Variants in ZC3H14 observed in about 807,000 individuals in gnomAD.
ZC3H14 encodes zinc finger CCCH domain-containing protein 14.
ZC3H14 carries 31 observed loss-of-function variants against 92.4 expected under a neutral mutation model. That is an observed-to-expected ratio of 0.34 (90% CI 0.25 to 0.45). The LOEUF (loss-of-function observed/expected upper bound fraction) is 0.45. Among genes scored for constraint, ZC3H14 ranks in the 20% least tolerant of loss-of-function variants. ZC3H14 has a pLI of 1.00. For synonymous variants in ZC3H14, 321 were observed against 300.9 expected, an observed-to-expected ratio of 1.07 and a Z score of -0.69; for missense variants, 781 against 897.3, an observed-to-expected ratio of 0.87 and a Z score of 1.66.
In ZC3H14 at chr14:88,620,811, C is replaced by T; in HGVS notation, c.*9060C>T. 1 of 1,608,864 alleles carries T rather than the reference C, an allele frequency of 6.2e-7. No individual in the cohort carries two copies. ...CTTCTTTCCCCATATTTTTAGAGAA[C>T]TCACTAGTAAAATGATAAATTCTCC... is the stretch of plus-strand genomic sequence containing the variant. On this transcript the variant is annotated 3_prime_UTR_variant, in exon 17 of 17. Coordinates refer to ENST00000251038, the MANE Select transcript of ZC3H14 (RefSeq NM_024824.5). This position sits in a 1 kb window ranked among gnomAD's most constrained non-coding sequence, Gnocchi z 4.3.
At chr14:88,563,823 T>A in intron 2 of ZC3H14, 130 bp downstream of exon 2, 2 of 876,396 alleles carry the variant, frequency 2.3e-6, no homozygotes, top group East Asian at 5.0e-5. Flanking sequence ...TCAAATCTTA[T>A]ACTCCCTGGT....
At chr14:88,579,342 C>G (rs1484828001) in intron 9 of ZC3H14, among the ~76,000 whole-genome samples, 3 of 152,022 alleles carry the variant, frequency 2.0e-5, no homozygotes, top group South Asian at 2.1e-4. Context: ...CTGTTTGGTC[C>G]CCAAACAGCA....
At chr14:88,565,080 C>G (rs1010425041) in intron 2 of ZC3H14, among the ~76,000 whole-genome samples, 3 of 152,114 alleles carry the variant, frequency 2.0e-5, no homozygotes, top group Non-Finnish European at 4.4e-5. Context: ...CCATGAATTT[C>G]ACAGCTTCCC....
intron 12 of ZC3H14, among the ~76,000 whole-genome samples, chr14:88,606,201 C>T (rs1382137280): frequency 4.6e-5 from 7 of 152,144 alleles, no homozygotes; most frequent in Admixed American, 1.3e-4. Context: ...ATTACAATTT[C>T]GATGAAGGCA....
Position 88,611,984 on chromosome 14 carries a change from G to A in ZC3H14, c.*233G>A. On this transcript the variant is annotated 3_prime_UTR_variant, in exon 17 of 17. Coordinates refer to ENST00000251038, the MANE Select transcript of ZC3H14 (RefSeq NM_024824.5). ...TTTTACTATGAAAAGACAGCTTAAG[G>A]AAGAGCTAAATTCTGTTAAAATATT... 1.7e-6 allele frequency: 1 copy of A among 581,138 alleles called. No individual in the cohort carries two copies. The highest frequency in any genetic ancestry group is 3.0e-6 in the Non-Finnish European group (1 of 330,692). The allele number at this position is 581,138 out of a possible 1,614,324, so 36.0% of individuals were successfully genotyped here.
In ZC3H14 at chr14:88,625,533, C is replaced by G. The variant is rs1313109230; in HGVS notation, c.*13782C>G. 2 of 155,274 alleles carry G rather than the reference C, an allele frequency of 1.3e-5. No homozygotes were observed. Among genetic ancestry groups the G allele is most frequent in the African/African-American group, 4.8e-5 (2 of 41,492 alleles). The allele number at this position is 155,274 out of a possible 1,614,324, so 9.6% of individuals were successfully genotyped here. On this transcript the variant is annotated 3_prime_UTR_variant, in exon 17 of 17. Transcript: ENST00000251038. ...TCTCCTGTCTCAGCCTCCCAAGTAG[C>G]TGGGATTACAAGCGCCAGCCACCAC...
chr14:88,583,673 TTAGA>T (rs764370097), intron 9 of ZC3H14, among the ~76,000 whole-genome samples: 25 of 152,342 alleles, frequency 1.6e-4, no homozygotes, highest in Non-Finnish European at 3.1e-4. Flanking sequence ...TGCATTGTGG[TTAGA>T]TAATGTAATT....
intron 9 of ZC3H14, among the ~76,000 whole-genome samples, chr14:88,585,199 A>G (rs1266497013): frequency 6.6e-6 from 1 of 152,126 alleles, no homozygotes; most frequent in East Asian, 1.9e-4. Flanking sequence ...GACCAGTCAC[A>G]TTTATTACAA....
chr14:88,620,050 G>A lies in ZC3H14; in HGVS notation c.*8299G>A, dbSNP rs1319010912. On this transcript the variant is annotated 3_prime_UTR_variant, in exon 17 of 17. Coordinates refer to ENST00000251038, the MANE Select transcript of ZC3H14 (RefSeq NM_024824.5). The surrounding 1 kb of genome is among the most constrained non-coding windows in gnomAD (Gnocchi z 4.3). ...ATGGGACAATTCAGTCTCTTGAAAT[G>A]GCCCATGAGTCTTACTGAGGTACGA... 6.6e-6 allele frequency: 1 copy of A among 152,202 alleles called. No homozygotes were observed. Among genetic ancestry groups the A allele is most frequent in the Admixed American group, 6.5e-5 (1 of 15,282 alleles). 9.4% of individuals were successfully genotyped at this position (152,202 alleles called of 1,614,324 possible). A position where few individuals can be genotyped will look rare whatever the true frequency, so the allele number is the denominator to read the frequency against.
chr14:88,582,302 A>G (rs2081998224), intron 9 of ZC3H14, among the ~76,000 whole-genome samples: 1 of 152,218 alleles, frequency 6.6e-6, no homozygotes, highest in Non-Finnish European at 1.5e-5. Context: ...CTCCCAGTCC[A>G]GCAGTCAGTT....
rs745790884 is a variant in ZC3H14, at chr14:88,624,974, T to C, written c.*13223T>C. ...GTGAAAAGAAAGAGGACTCACGGCC[T>C]TTCCTTTCCCCCAGTCACGATAAGT... On this transcript the variant is annotated 3_prime_UTR_variant, in exon 17 of 17. Transcript: ENST00000251038. The C allele has an allele frequency of 3.1e-6, 5 of 1,613,166 alleles. No individual in the cohort carries two copies. Among genetic ancestry groups the C allele is most frequent in the South Asian group, 1.1e-5 (1 of 90,928 alleles).
chr14:88,595,719 C>T (rs1283670769), intron 9 of ZC3H14, among the ~76,000 whole-genome samples: 1 of 152,160 alleles, frequency 6.6e-6, no homozygotes, highest in African/African-American at 2.4e-5. Context: ...TTTAAAAACA[C>T]CTTTTAATGA....
intron 6 of ZC3H14, chr14:88,573,898 T>G (rs1176598597): frequency 2.6e-5 from 4 of 152,376 alleles, no homozygotes; most frequent in African/African-American, 7.2e-5. Context: ...ATTACAGGCA[T>G]GTACCATGGC....
chr14:88,607,127 ATG>A (rs2085534073), intron 12 of ZC3H14, 114 bp from the exon 13 acceptor site: 7 of 1,496,758 alleles, frequency 4.7e-6, no homozygotes, highest in Non-Finnish European at 6.4e-6. Flanking sequence ...CTTATTTTAT[ATG>A]ACTGTACATT....
chr14:88,609,004 G>A, intron 13 of ZC3H14: 1 of 472,092 alleles, frequency 2.1e-6, no homozygotes, highest in East Asian at 4.1e-5. Context: ...TTATTAAGTG[G>A]TGTGATTTTT....
At position 88,627,527 on chromosome 14, in the gene ZC3H14, A is replaced by G. The variant is rs1254801673; in HGVS notation, c.*15776A>G. ...AGTACCACTGTGTACAGTATATTGC[A>G]TAGGCCTCCACTGAATGATTGTTTC... On this transcript the variant is annotated 3_prime_UTR_variant, in exon 17 of 17. Transcript: ENST00000251038. The G allele has an allele frequency of 3.1e-6, 3 of 962,418 alleles. No homozygotes were observed. The East Asian group carries it at 7.8e-5, about 25-fold the overall frequency. 59.6% of individuals were successfully genotyped at this position (962,418 alleles called of 1,614,324 possible).
chr14:88,608,382 T>C (rs746874993), intron 13 of ZC3H14: 12 of 439,384 alleles, frequency 2.7e-5, no homozygotes, highest in Non-Finnish European at 5.4e-5. Flanking sequence ...GCCAGCTGAT[T>C]TTGGCTTTCA....
At chr14:88,606,439 T>C (rs1240738295) in intron 12 of ZC3H14, among the ~76,000 whole-genome samples, 1 of 152,204 alleles carries the variant, frequency 6.6e-6, no homozygotes. Context: ...GTGATGGCAT[T>C]TGTGACCCCA....
intron 2 of ZC3H14, among the ~76,000 whole-genome samples, chr14:88,565,231 TC>T (rs2079412767): frequency 6.6e-6 from 1 of 152,136 alleles, no homozygotes; most frequent in Admixed American, 6.6e-5. Flanking sequence ...AAGCTCTGCC[TC>T]CCGGGTTCAA....
Sources: allele counts gnomAD v4.1 joint callset (sites outside exome capture counted in the v4.1 genomes callset), GRCh38; gene constraint gnomAD v4.1.1; non-coding constraint Gnocchi (gnomAD v3.1); transcripts MANE v1.5; gene names NCBI Gene and HGNC (gene_info 2026-07-23, HGNC 2026-07-21).